SV2C: variants seen among roughly 807,000 people sequenced by gnomAD.
SV2C encodes synaptic vesicle glycoprotein 2C.
Under a neutral mutation model 79.7 loss-of-function variants are expected in SV2C, and 49 were observed. The observed-to-expected ratio is 0.61, with a 90% CI of 0.49 to 0.78. The LOEUF (loss-of-function observed/expected upper bound fraction) is 0.78. Ranked by LOEUF, SV2C falls within the 30% of genes least tolerant of loss-of-function variation. SV2C has a pLI of 0.00. For synonymous variants in SV2C, 334 were observed against 333.2 expected (o/e 1.00, Z -0.03); for missense variants, 833 against 912.9 (o/e 0.91, Z 1.13).
At chr5:75,983,295 G>C in the SV2C span, among the ~76,000 whole-genome samples, 1 of 152,098 alleles carries the variant, frequency 6.6e-6, no homozygotes, top group African/African-American at 2.4e-5. Flanking sequence ...TGTGGCCGAA[G>C]AGCAGCTGTC....
At chr5:75,952,032 G>T in the SV2C span, among the ~76,000 whole-genome samples, 4 of 152,024 alleles carry the variant, frequency 2.6e-5, no homozygotes, top group East Asian at 3.9e-4. Flanking sequence ...AATAAAGAAT[G>T]ATAAGCAGGT....
rs554653198 is a variant in SV2C, at chr5:76,325,390, C to T, written c.2027C>T (p.Ala676Val). 29 of 1,614,016 alleles carry T rather than the reference C, an allele frequency of 1.8e-5. No individual in the cohort carries two copies. The highest frequency in any genetic ancestry group is 5.5e-5 in the South Asian group (5 of 91,084). The change falls in exon 13 of 13, where the codon GCG (alanine) becomes GTG (valine). Residue 676 changes from alanine (A) to valine (V), a missense_variant. Coordinates refer to ENST00000502798, the MANE Select transcript of SV2C (RefSeq NM_014979.4). ...GCAACAGGCTTTGGCTTCTTAAATG[C>T]GCTATGCAAGGCAGCAGCCGTCCTG... ...RRATGFGFLN[A>V]LCKAAAVLGN...
At chr5:76,158,835 A>G (rs1165536942) in intron 2 of SV2C, among the ~76,000 whole-genome samples, 1 of 152,042 alleles carries the variant, frequency 6.6e-6, no homozygotes. Context: ...ATGGACAAAA[A>G]CATCACAAGG....
chr5:75,994,482 A>G, the SV2C span, among the ~76,000 whole-genome samples: 32 of 151,854 alleles, frequency 2.1e-4, no homozygotes, highest in South Asian at 6.6e-3. Context: ...GACTAGTAAT[A>G]TAACCTTGAA....
At chr5:76,040,116 T>A in the SV2C span, among the ~76,000 whole-genome samples, 30 of 152,188 alleles carry the variant, frequency 2.0e-4, no homozygotes, top group African/African-American at 6.8e-4. Flanking sequence ...CTCTTTCACA[T>A]TAACTTTTAA....
intron 1 of SV2C, among the ~76,000 whole-genome samples, chr5:76,103,078 C>A (rs1427373383): frequency 6.6e-6 from 1 of 152,046 alleles, no homozygotes; most frequent in Non-Finnish European, 1.5e-5. Context: ...TAAGACCATA[C>A]AGGAATGTGT....
At chr5:76,173,968 C>G in intron 2 of SV2C, 1 of 1,560,650 alleles carries the variant, frequency 6.4e-7, no homozygotes. Flanking sequence ...GTCCATTTTT[C>G]ATGTATAAAT....
chr5:75,897,769 G>A, the SV2C span, among the ~76,000 whole-genome samples: 1 of 151,550 alleles, frequency 6.6e-6, no homozygotes, highest in African/African-American at 2.4e-5. Context: ...AGTTCTCCTT[G>A]AAGAGGTCCT....
At chr5:76,100,950 TC>T (rs1747721788) in intron 1 of SV2C, among the ~76,000 whole-genome samples, 1 of 152,192 alleles carries the variant, frequency 6.6e-6, no homozygotes, top group Admixed American at 6.5e-5. Context: ...TTTCCACACG[TC>T]CCCAAGGCTG....
the SV2C span, among the ~76,000 whole-genome samples, chr5:75,934,319 T>TTTCTTTTC: frequency 6.8e-6 from 1 of 146,864 alleles, no homozygotes; most frequent in African/African-American, 2.6e-5. Flanking sequence ...TTTTTTTTTT[T>TTTCTTTTC]CACTGTCGCT....
chr5:76,017,899 C>T, the SV2C span, among the ~76,000 whole-genome samples: 1 of 152,148 alleles, frequency 6.6e-6, no homozygotes, highest in Non-Finnish European at 1.5e-5. Flanking sequence ...TTGCTACAAA[C>T]ACAGTTTGGG....
At chr5:76,226,027 G>C (rs1745226728) in intron 4 of SV2C, among the ~76,000 whole-genome samples, 1 of 152,208 alleles carries the variant, frequency 6.6e-6, no homozygotes, top group South Asian at 2.1e-4. Context: ...TTCTCATCTT[G>C]CCTGTTTCAG....
chr5:76,320,259 TA>T (rs1266615216), intron 12 of SV2C, among the ~76,000 whole-genome samples: 3 of 149,868 alleles, frequency 2.0e-5, no homozygotes, highest in South Asian at 4.2e-4. Flanking sequence ...ATGGAAACAG[TA>T]AAAAGATTGG....
the SV2C span, among the ~76,000 whole-genome samples, chr5:75,973,120 G>A: frequency 1.1e-4 from 16 of 151,854 alleles, no homozygotes; most frequent in South Asian, 3.3e-3. Context: ...GGTGAGAATT[G>A]AACAATGAGA....
chr5:75,967,214 T>C, the SV2C span, among the ~76,000 whole-genome samples: 12 of 152,204 alleles, frequency 7.9e-5, no homozygotes, highest in East Asian at 2.1e-3. Context: ...GGAGCCAAGA[T>C]GGCTGAATAG....
the SV2C span, among the ~76,000 whole-genome samples, chr5:75,980,123 T>C: frequency 1.3e-5 from 2 of 152,072 alleles, no homozygotes; most frequent in East Asian, 3.9e-4. Flanking sequence ...CTAGAAGAAA[T>C]GGATAAATTC....
intron 12 of SV2C, among the ~76,000 whole-genome samples, chr5:76,342,689 G>C (rs1236138640): frequency 6.6e-6 from 1 of 152,144 alleles, no homozygotes; most frequent in Non-Finnish European, 1.5e-5. Context: ...GTGTGGCCCA[G>C]GACAAGTTCA....
the SV2C span, among the ~76,000 whole-genome samples, chr5:75,871,538 A>G: frequency 6.6e-6 from 1 of 152,182 alleles, no homozygotes; most frequent in Non-Finnish European, 1.5e-5. Context: ...GGCCAGGTGC[A>G]GTGGCTCATG....
chr5:75,864,298 T>TG, the SV2C span, among the ~76,000 whole-genome samples: 1 of 150,242 alleles, frequency 6.7e-6, no homozygotes, highest in Non-Finnish European at 1.5e-5. Flanking sequence ...AACCACTGCT[T>TG]GTCCAGTGCC....
Sources: gnomAD v4.1 joint callset for allele counts (sites outside exome capture counted in the v4.1 genomes callset) on GRCh38, gnomAD v4.1.1 for gene constraint, MANE v1.5 for transcripts, NCBI Gene and HGNC (gene_info 2026-07-23, HGNC 2026-07-21) for gene names.